The following CABP1 variants were observed in gnomAD, a reference collection of about 807,000 sequenced individuals.
CABP1 encodes calcium-binding protein 1.
In CABP1, 17 loss-of-function variants were observed where a neutral mutation model predicts 34.3. The observed-to-expected ratio is 0.50, with a 90% confidence interval of 0.34 to 0.74. The LOEUF (loss-of-function observed/expected upper bound fraction) is 0.74, where lower values mean the gene tolerates loss of function less well. Ranked by LOEUF, CABP1 falls within the 30% of genes least tolerant of loss-of-function variation. The probability of loss-of-function intolerance (pLI) is 0.01; values close to 1 mark genes in which losing one functional copy is unlikely to be tolerated. For missense variants in CABP1, 373 were observed against 511.1 expected, an observed-to-expected ratio of 0.73 and a Z score of 2.61; for synonymous variants, 198 against 229.2, an observed-to-expected ratio of 0.86 and a Z score of 1.23.
chr12:120,652,126 A>G (rs1009578672), intron 1 of CABP1, among the ~76,000 whole-genome samples: 2 of 152,202 alleles, frequency 1.3e-5, no homozygotes, highest in Non-Finnish European at 2.9e-5. Context: ...GCATACTAAT[A>G]TCCACCTCTT....
chr12:120,656,406 T>C, intron 1 of CABP1: 1 of 772,818 alleles, frequency 1.3e-6, no homozygotes. Flanking sequence ...TTTCCACTCA[T>C]GGCTACAAAG....
the CABP1 span, among the ~76,000 whole-genome samples, chr12:120,676,364 C>T: frequency 1.3e-5 from 2 of 152,206 alleles, no homozygotes; most frequent in East Asian, 3.9e-4. Context: ...GACTCGTTAC[C>T]TCCCCAATGT....
chr12:120,674,536 C>A, the CABP1 span, among the ~76,000 whole-genome samples: 1 of 152,172 alleles, frequency 6.6e-6, no homozygotes, highest in Non-Finnish European at 1.5e-5. Context: ...GTTGTCTTTC[C>A]TACAGAGGGG....
At chr12:120,658,039 TTG>T (rs1880354747) in intron 1 of CABP1, among the ~76,000 whole-genome samples, 1 of 151,864 alleles carries the variant, frequency 6.6e-6, no homozygotes, top group Non-Finnish European at 1.5e-5. Context: ...ACATATGGGT[TTG>T]TGTTGGAATG....
intron 1 of CABP1, chr12:120,655,619 A>C: frequency 1.5e-6 from 2 of 1,374,218 alleles, no homozygotes; most frequent in Non-Finnish European, 9.4e-7. Flanking sequence ...TGGCTGGAGT[A>C]GGACAAGTCT....
At position 120,660,862 on chromosome 12, in the gene CABP1, G is replaced by T; in HGVS notation, c.939+22G>T. The T allele has an allele frequency of 2.6e-6, 4 of 1,548,742 alleles. No homozygotes were observed. Among genetic ancestry groups the T allele is most frequent in the Non-Finnish European group, 3.6e-6 (4 of 1,120,536 alleles). Reference sequence around the variant, plus strand: ...AGAGGTAACGGACAGAGGCAGGCAGGCATGGGGCGGCTATTGGAATCCTAT... The same window carrying T: ...AGAGGTAACGGACAGAGGCAGGCAGTCATGGGGCGGCTATTGGAATCCTAT... On this transcript the variant is annotated intron_variant, in intron 4 of 5. Transcript: ENST00000316803. The surrounding 1 kb of genome is among the most constrained non-coding windows in gnomAD (Gnocchi z 5.0).
Position 120,661,209 on chromosome 12 carries a change from G to T in CABP1, c.1078G>T (p.Asp360Tyr). 1 of 1,607,690 alleles carries T rather than the reference G, an allele frequency of 6.2e-7. No individual in the cohort carries two copies. Among genetic ancestry groups the T allele is most frequent in the South Asian group, 1.1e-5 (1 of 91,030 alleles). Residue 360 changes from aspartate (D) to tyrosine (Y), a missense_variant, in exon 5 of 6, where the codon GAC (aspartate) becomes TAC (tyrosine). Around this residue, in one of 4 missense-constraint regions of CABP1, gnomAD observed 109 missense variants for 204.8 expected, o/e 0.53. Coordinates refer to ENST00000316803, the MANE Select transcript of CABP1 (RefSeq NM_001033677.2). The surrounding 1 kb of genome is among the most constrained non-coding windows in gnomAD (Gnocchi z 5.1). ...GGACCTCAATGGGGATGGACGAGTG[G>T]ACTTTGAAGGTAGGTGGGGCTTGAA... Reference protein sequence around the residue: ...DVDLNGDGRVDFEEFVRMMSR With the variant: ...DVDLNGDGRVYFEEFVRMMSR
chr12:120,641,495 ACTC>A lies in CABP1; in HGVS notation c.654+164_654+166del, dbSNP rs1879321863. On this transcript the variant is annotated intron_variant, in intron 1 of 5. Transcript: ENST00000316803. The surrounding 1 kb of genome is among the most constrained non-coding windows in gnomAD (Gnocchi z 6.7). The stretch of plus-strand genomic sequence containing the variant: ...TCCCCGGGCCGGCGCCCTTGCCGGC[ACTC>A]CTCCTCCCCGTGCCTGATTCAGCAC... The A allele has an allele frequency of 3.9e-6, 3 of 764,038 alleles. No individual in the cohort carries two copies. Among genetic ancestry groups the A allele is most frequent in the Admixed American group, 8.8e-5 (2 of 22,828 alleles). The allele number at this position is 764,038 out of a possible 1,614,324, so 47.3% of individuals were successfully genotyped here. A position where few individuals can be genotyped will look rare whatever the true frequency, so the allele number is the denominator to read the frequency against.
At chr12:120,646,985 T>C (rs937231133) in intron 1 of CABP1, among the ~76,000 whole-genome samples, 1 of 152,152 alleles carries the variant, frequency 6.6e-6, no homozygotes, top group African/African-American at 2.4e-5. Context: ...CAAAGCAGGA[T>C]GGGATTTCTT....
the CABP1 span, among the ~76,000 whole-genome samples, chr12:120,676,416 C>A: frequency 8.6e-5 from 13 of 151,232 alleles, no homozygotes; most frequent in Non-Finnish European, 1.6e-4. Context: ...AAAACAGCTG[C>A]TTTCTTTCTT....
In CABP1 at chr12:120,640,715, G is replaced by T; in HGVS notation, c.30G>T (p.Lys10Asn). 8.4e-7 allele frequency: 1 copy of T among 1,185,956 alleles called. No homozygotes were observed. The highest frequency in any genetic ancestry group is 1.0e-6 in the Non-Finnish European group (1 of 958,414). 73.5% of individuals were successfully genotyped at this position (1,185,956 alleles called of 1,614,324 possible). Residue 10 changes from lysine (K) to asparagine (N), a missense_variant, in exon 1 of 6, where the codon AAG becomes AAT. By Grantham distance (94) the Lys-to-Asn change is moderately conservative. Transcript: ENST00000316803. This position sits in a 1 kb window ranked among gnomAD's most constrained non-coding sequence, Gnocchi z 6.2. MGGGDGAAF[K>N]RPGDGARLQR... ...GCGGCGGCGACGGGGCCGCATTTAA[G>T]CGGCCGGGGGACGGCGCCCGCCTCC...
intron 5 of CABP1, chr12:120,662,271 A>T (rs1283477015): frequency 6.6e-6 from 1 of 152,042 alleles, no homozygotes. Flanking sequence ...CTTCATTCAC[A>T]CTCCACCAAA....
chr12:120,666,861 C>T lies in CABP1; in HGVS notation c.1088-14C>T. The T allele has an allele frequency of 6.2e-7, 1 of 1,603,868 alleles. No individual in the cohort carries two copies. On this transcript the variant is annotated splice_polypyrimidine_tract_variant and intron_variant, in intron 5 of 5. Transcript: ENST00000316803. ...GCTGCTGCTTGCTCCCCAGCTGCTC[C>T]TCTACCCTTCTAGAGTTTGTCCGGA...
rs904757272 is a variant in CABP1 at position 120,661,563 on chromosome 12, CATCT to C, written c.1087+346_1087+349del. 26 of 225,002 alleles carry C rather than the reference CATCT, an allele frequency of 1.2e-4. No homozygotes were observed. The highest frequency in any genetic ancestry group is 1.1e-4 in the East Asian group (1 of 9,206). 13.9% of individuals were successfully genotyped at this position (225,002 alleles called of 1,614,324 possible). The stretch of plus-strand genomic sequence containing the variant: ...TCCATCCATCCTCTACCTATCCATC[CATCT>C]GTCCATTTATCCATTCATCCATTCA... On this transcript the variant is annotated intron_variant, in intron 5 of 5. Coordinates refer to ENST00000316803, the MANE Select transcript of CABP1 (RefSeq NM_001033677.2). The surrounding 1 kb of genome is among the most constrained non-coding windows in gnomAD (Gnocchi z 5.1).
chr12:120,663,727 G>A (rs1314086346), intron 5 of CABP1, among the ~76,000 whole-genome samples: 1 of 152,182 alleles, frequency 6.6e-6, no homozygotes, highest in African/African-American at 2.4e-5. Context: ...ATAACCTCAT[G>A]TTACAGATGA....
chr12:120,649,705 G>A (rs577061310), intron 1 of CABP1, among the ~76,000 whole-genome samples: 5 of 152,224 alleles, frequency 3.3e-5, no homozygotes, highest in Admixed American at 3.3e-4. Flanking sequence ...CTCCCCTCGG[G>A]GCCATCTCCT....
At chr12:120,645,898 T>A (rs1879518512) in intron 1 of CABP1, among the ~76,000 whole-genome samples, 1 of 152,088 alleles carries the variant, frequency 6.6e-6, no homozygotes, top group African/African-American at 2.4e-5. Flanking sequence ...AGTAAGTACA[T>A]GGCAGGGCCA....
intron 1 of CABP1, among the ~76,000 whole-genome samples, chr12:120,647,532 C>A (rs1879595771): frequency 6.8e-6 from 1 of 146,978 alleles, no homozygotes; most frequent in Admixed American, 6.8e-5. Flanking sequence ...GATTTGAATC[C>A]AAGTCAGCGT....
intron 1 of CABP1, chr12:120,650,276 T>G (rs760381611): frequency 4.9e-4 from 149 of 306,824 alleles, no homozygotes; most frequent in Non-Finnish European, 6.8e-4. Flanking sequence ...GCTAATCTGA[T>G]GTAGATGATC....
Sources: gnomAD v4.1 joint callset for allele counts (sites outside exome capture counted in the v4.1 genomes callset) on GRCh38, gnomAD v4.1.1 for gene constraint, gnomAD v4.1.1 regional missense constraint, Gnocchi (gnomAD v3.1) non-coding constraint, MANE v1.5 for transcripts, NCBI Gene and HGNC (gene_info 2026-07-23, HGNC 2026-07-21) for gene names.